The following PXDNL variants were observed in gnomAD, a reference collection of about 807,000 sequenced individuals.
The protein encoded by PXDNL is peroxidasin like.
Under a neutral mutation model 150.8 loss-of-function variants are expected in PXDNL, and 145 were observed. The observed-to-expected ratio is 0.96, with a 90% CI of 0.84 to 1.10. The LOEUF (loss-of-function observed/expected upper bound fraction) is 1.10, where lower values mean the gene tolerates loss of function less well. Among genes scored for constraint, PXDNL ranks in the 50% least tolerant of loss-of-function variants. PXDNL has a pLI of 0.00. For synonymous variants in PXDNL, 757 were observed against 725.7 expected (o/e 1.04, Z -0.69); for missense variants, 2,087 against 1,873.9 (o/e 1.11, Z -2.10).
At position 51,339,149 on chromosome 8, in the gene PXDNL, T is replaced by C. The variant is rs143064040; in HGVS notation, c.4146+475A>G. Among the ~76,000 whole-genome samples the C allele has an allele frequency of 2.5e-3, 374 of 152,258 alleles. 3 individuals carry two copies. The highest frequency in any genetic ancestry group is 8.5e-3 in the African/African-American group (354 of 41,558). On this transcript the variant is annotated intron_variant, in intron 21 of 22. Coordinates refer to ENST00000356297, the MANE Select transcript of PXDNL (RefSeq NM_144651.5). ...TGTGTTTCCCCAAGGCCTCCTTCCC[T>C]AACTCACTTCTTATTACAATACTAC...
At chr8:51,642,849 G>A (rs1228157027) in intron 2 of PXDNL, among the ~76,000 whole-genome samples, 3 of 152,064 alleles carry the variant, frequency 2.0e-5, no homozygotes, top group South Asian at 2.1e-4. Flanking sequence ...CAAAGTCTCA[G>A]GATACAAAAT....
Position 51,638,626 on chromosome 8 carries a change from G to A in PXDNL, c.236+16063C>T, listed in dbSNP as rs1373471635. 5.3e-5 allele frequency among the ~76,000 whole-genome samples: 8 copies of A among 152,160 alleles called. No homozygotes were observed. The East Asian group carries it at 1.2e-3, about 22-fold the overall frequency. ...AGAAGGCCATTACATAACAGTAAAG[G>A]GATCAATTCAACAAGAAGAGCTAAC... is the stretch of plus-strand genomic sequence containing the variant. On this transcript the variant is annotated intron_variant, in intron 2 of 22. Transcript: ENST00000356297.
chr8:51,367,997 G>T (rs190164020), intron 19 of PXDNL, among the ~76,000 whole-genome samples: 1 of 152,058 alleles, frequency 6.6e-6, no homozygotes, highest in Non-Finnish European at 1.5e-5. Flanking sequence ...GTCTGATGGC[G>T]CAGGCCTGTA....
At chr8:51,546,159 A>G (rs1585568505) in intron 4 of PXDNL, among the ~76,000 whole-genome samples, 1 of 152,374 alleles carries the variant, frequency 6.6e-6, no homozygotes, top group East Asian at 1.9e-4. Flanking sequence ...AAGTGCTGTG[A>G]GACAGCCAGA....
intron 3 of PXDNL, among the ~76,000 whole-genome samples, chr8:51,581,349 C>T (rs1213855038): frequency 6.6e-6 from 1 of 151,886 alleles, no homozygotes; most frequent in Non-Finnish European, 1.5e-5. Flanking sequence ...ATTAGCTGGG[C>T]ATGGTGGCAT....
intron 8 of PXDNL, among the ~76,000 whole-genome samples, chr8:51,462,564 G>T (rs904767761): frequency 6.6e-6 from 1 of 151,984 alleles, no homozygotes; most frequent in Admixed American, 6.6e-5. Flanking sequence ...CTCAAAAACT[G>T]GTTCTTTGAA....
rs773295131 is a variant in PXDNL at position 51,408,904 on chromosome 8, G to A, written c.2720C>T (p.Ser907Phe). 6.2e-7 allele frequency: 1 copy of A among 1,609,012 alleles called. No homozygotes were observed. Among genetic ancestry groups the A allele is most frequent in the East Asian group, 2.2e-5 (1 of 44,846 alleles). Residue 907 changes from serine (S) to phenylalanine (F), a missense_variant, in exon 17 of 23, where the codon TCC (serine) becomes TTC (phenylalanine). Ser to Phe is a radical substitution (Grantham distance 155). Coordinates refer to ENST00000356297, the MANE Select transcript of PXDNL (RefSeq NM_144651.5). The stretch of plus-strand genomic sequence containing the variant: ...CACCGAAGGGTCTCTGAGAGCCTGG[G>A]ATTCCCGCTCCGAGCTCCCGTAAAC... ...SNVYGSSERE[S>F]QALRDPSVPR... is the part of the protein sequence containing the mutation.
chr8:51,585,828 T>C (rs1013904565), intron 3 of PXDNL, among the ~76,000 whole-genome samples: 6 of 152,092 alleles, frequency 3.9e-5, no homozygotes, highest in African/African-American at 1.2e-4. Flanking sequence ...CACAACCTTC[T>C]TGCTCCTTCC....
intron 2 of PXDNL, among the ~76,000 whole-genome samples, chr8:51,595,164 G>C (rs76713045): frequency 0.029 from 4,483 of 152,158 alleles, 226 homozygotes; most frequent in African/African-American, 0.1. Flanking sequence ...GGTAAAAGAG[G>C]AACCAGCAAT....
At chr8:51,336,803 G>A (rs1427466113) in intron 21 of PXDNL, among the ~76,000 whole-genome samples, 1 of 152,162 alleles carries the variant, frequency 6.6e-6, no homozygotes, top group African/African-American at 2.4e-5. Flanking sequence ...GAGGCACTGG[G>A]AACTGCTGCA....
intron 18 of PXDNL, among the ~76,000 whole-genome samples, chr8:51,373,871 A>G (rs1184548896): frequency 6.6e-6 from 1 of 152,198 alleles, no homozygotes; most frequent in East Asian, 1.9e-4. Flanking sequence ...AGAAGAGCAC[A>G]TGTCCACTCA....
intron 5 of PXDNL, among the ~76,000 whole-genome samples, chr8:51,494,619 G>A (rs892569826): frequency 6.6e-6 from 1 of 151,872 alleles, no homozygotes; most frequent in Non-Finnish European, 1.5e-5. Context: ...CAAAAGGCAG[G>A]GGTTGCAATC....
chr8:51,446,887 C>A (rs1158483863), intron 12 of PXDNL, 117 bp downstream of exon 12: 13 of 677,930 alleles, frequency 1.9e-5, no homozygotes, highest in Non-Finnish European at 2.9e-5. Context: ...TTTCTTAGAT[C>A]ATATGACTAT....
At chr8:51,673,431 G>A (rs541902240) in intron 1 of PXDNL, among the ~76,000 whole-genome samples, 4 of 152,122 alleles carry the variant, frequency 2.6e-5, no homozygotes, top group Admixed American at 6.5e-5. Context: ...TCTTTTATAA[G>A]TTCAAACAAC....
At chr8:51,597,068 A>G (rs1222953679) in intron 2 of PXDNL, among the ~76,000 whole-genome samples, 4 of 152,196 alleles carry the variant, frequency 2.6e-5, no homozygotes, top group Non-Finnish European at 4.4e-5. Flanking sequence ...ATCCATCTTG[A>G]GTTAATGTTT....
At chr8:51,509,135 C>T (rs919247703) in intron 4 of PXDNL, among the ~76,000 whole-genome samples, 12 of 152,180 alleles carry the variant, frequency 7.9e-5, no homozygotes, top group African/African-American at 2.9e-4. Flanking sequence ...TAGATGCTCT[C>T]ACCACACACA....
At chr8:51,708,945 G>C (rs530739167) in intron 1 of PXDNL, among the ~76,000 whole-genome samples, 1 of 151,918 alleles carries the variant, frequency 6.6e-6, no homozygotes, top group Non-Finnish European at 1.5e-5. Context: ...TAGGGAGGGG[G>C]GCAATAGGAG....
intron 1 of PXDNL, among the ~76,000 whole-genome samples, chr8:51,792,867 G>A (rs945512114): frequency 1.3e-5 from 2 of 152,178 alleles, no homozygotes; most frequent in East Asian, 1.9e-4. Context: ...AGAGGCAGCC[G>A]TGGTCTCCAT....
At chr8:51,502,611 A>G (rs1811209356) in intron 4 of PXDNL, among the ~76,000 whole-genome samples, 1 of 152,066 alleles carries the variant, frequency 6.6e-6, no homozygotes, top group South Asian at 2.1e-4. Flanking sequence ...CCAACCTAAC[A>G]ACTCCCAGAT....
Sources: gnomAD v4.1 joint callset for allele counts (sites outside exome capture counted in the v4.1 genomes callset) on GRCh38, gnomAD v4.1.1 for gene constraint, MANE v1.5 for transcripts, NCBI Gene and HGNC (gene_info 2026-07-23, HGNC 2026-07-21) for gene names.